Variants in LRRTM4 observed in about 807,000 individuals in gnomAD.
LRRTM4 encodes leucine rich repeat transmembrane neuronal 4, also known as leucine-rich repeat transmembrane neuronal protein 4.
A neutral mutation model predicts 47.6 loss-of-function variants in LRRTM4; 25 were observed. The ratio of observed to expected loss-of-function variants is 0.53; its 90% confidence interval spans 0.38 to 0.73. LRRTM4 has a LOEUF of 0.73. Ranked by LOEUF, LRRTM4 falls within the 30% of genes least tolerant of loss-of-function variation. The pLI, the probability that LRRTM4 is intolerant of heterozygous loss-of-function variation, is 0.00. For synonymous variants in LRRTM4, 311 were observed against 269.5 expected, an observed-to-expected ratio of 1.15 and a Z score of -1.51; for missense variants, 638 against 713.4, an observed-to-expected ratio of 0.89 and a Z score of 1.20.
chr2:77,295,611 G>T (rs944629545), intron 3 of LRRTM4, among the ~76,000 whole-genome samples: 7 of 152,136 alleles, frequency 4.6e-5, no homozygotes, highest in African/African-American at 1.7e-4. Context: ...AGTTCTGGAG[G>T]TTTAGCAGTC....
At chr2:77,423,097 T>A (rs963269118) in intron 3 of LRRTM4, among the ~76,000 whole-genome samples, 2 of 152,082 alleles carry the variant, frequency 1.3e-5, no homozygotes, top group Non-Finnish European at 2.9e-5. Flanking sequence ...GATTGAAAAA[T>A]TTTTTAGCAC....
intron 3 of LRRTM4, among the ~76,000 whole-genome samples, chr2:77,344,317 T>C (rs1420834796): frequency 6.6e-6 from 1 of 151,830 alleles, no homozygotes; most frequent in Non-Finnish European, 1.5e-5. Context: ...AATGATGCTT[T>C]AGGAAGAAGG....
intron 3 of LRRTM4, among the ~76,000 whole-genome samples, chr2:77,392,730 T>C (rs1454475043): frequency 6.6e-6 from 1 of 151,946 alleles, no homozygotes; most frequent in Admixed American, 6.6e-5. Context: ...CTGCAGATAT[T>C]GAGAAGATAC....
intron 3 of LRRTM4, among the ~76,000 whole-genome samples, chr2:77,494,697 A>T (rs570212775): frequency 1.3e-5 from 2 of 152,202 alleles, no homozygotes; most frequent in South Asian, 4.1e-4. Context: ...ATATAATTTA[A>T]TAGTTTTTGA....
At chr2:77,309,758 A>G (rs973701714) in intron 3 of LRRTM4, among the ~76,000 whole-genome samples, 2 of 152,188 alleles carry the variant, frequency 1.3e-5, no homozygotes, top group African/African-American at 4.8e-5. Flanking sequence ...AAGCACGAGA[A>G]ATATCTCACC....
intron 3 of LRRTM4, among the ~76,000 whole-genome samples, chr2:77,428,152 G>A (rs1368333606): frequency 2.0e-5 from 3 of 152,130 alleles, no homozygotes; most frequent in African/African-American, 7.2e-5. Flanking sequence ...TTTCTGTCAT[G>A]ATTGTAAGTT....
intron 3 of LRRTM4, among the ~76,000 whole-genome samples, chr2:77,494,517 A>T (rs1255762118): frequency 6.6e-6 from 1 of 152,088 alleles, no homozygotes; most frequent in African/African-American, 2.4e-5. Context: ...CAGTGGATTA[A>T]GAGAGTCTGC....
intron 3 of LRRTM4, among the ~76,000 whole-genome samples, chr2:76,906,677 A>C (rs1304570486): frequency 2.6e-5 from 4 of 151,960 alleles, no homozygotes; most frequent in African/African-American, 9.7e-5. Flanking sequence ...GGAAAACAAA[A>C]AAAGGCAGGG....
intron 3 of LRRTM4, among the ~76,000 whole-genome samples, chr2:77,061,488 C>A (rs891846294): frequency 7.2e-5 from 11 of 152,124 alleles, no homozygotes; most frequent in African/African-American, 2.7e-4. Context: ...AAAGTGAGAT[C>A]AGCGCTGCTT....
intron 3 of LRRTM4, among the ~76,000 whole-genome samples, chr2:77,122,579 A>G (rs1185672692): frequency 6.6e-6 from 1 of 151,292 alleles, no homozygotes; most frequent in East Asian, 1.9e-4. Context: ...TTGAAATGAT[A>G]TATTTTGGAC....
At chr2:77,482,337 G>C (rs1558764469) in intron 3 of LRRTM4, among the ~76,000 whole-genome samples, 1 of 152,016 alleles carries the variant, frequency 6.6e-6, no homozygotes, top group Admixed American at 6.6e-5. Context: ...AGATTTTTGA[G>C]ACTTCACGAA....
intron 3 of LRRTM4, among the ~76,000 whole-genome samples, chr2:77,056,267 G>T (rs916433686): frequency 6.6e-6 from 1 of 152,096 alleles, no homozygotes; most frequent in African/African-American, 2.4e-5. Flanking sequence ...TAAATGCATT[G>T]AAGAAGATGC....
At chr2:77,248,729 T>C (rs1463916109) in intron 3 of LRRTM4, among the ~76,000 whole-genome samples, 1 of 151,948 alleles carries the variant, frequency 6.6e-6, no homozygotes, top group Non-Finnish European at 1.5e-5. Context: ...CAGAAAACCC[T>C]GAAATAGACG....
At chr2:76,769,533 AAC>A (rs1491482080) in intron 3 of LRRTM4, among the ~76,000 whole-genome samples, 2 of 152,040 alleles carry the variant, frequency 1.3e-5, no homozygotes, top group African/African-American at 4.8e-5. Flanking sequence ...CTGAAAAAAA[AAC>A]AAAAATAATA....
intron 3 of LRRTM4, among the ~76,000 whole-genome samples, chr2:77,238,390 CAG>C (rs1675167406): frequency 6.6e-6 from 1 of 152,020 alleles, no homozygotes; most frequent in South Asian, 2.1e-4. Context: ...AAAATCAAAA[CAG>C]AGTTTGTCTG....
At chr2:77,137,278 T>G (rs911022501) in intron 3 of LRRTM4, among the ~76,000 whole-genome samples, 1 of 151,898 alleles carries the variant, frequency 6.6e-6, no homozygotes, top group African/African-American at 2.4e-5. Flanking sequence ...GCAGATCTCT[T>G]GGCAGAAACT....
chr2:76,883,071 T>C (rs1672975467), intron 3 of LRRTM4, among the ~76,000 whole-genome samples: 1 of 152,194 alleles, frequency 6.6e-6, no homozygotes, highest in African/African-American at 2.4e-5. Flanking sequence ...CAGGCTACTC[T>C]GTGAATGCTG....
intron 3 of LRRTM4, among the ~76,000 whole-genome samples, chr2:77,262,014 G>A (rs966455680): frequency 1.3e-5 from 2 of 152,028 alleles, no homozygotes; most frequent in East Asian, 1.9e-4. Context: ...TCAAATCAGC[G>A]GTGGCATTAG....
At chr2:76,833,602 TATA>T (rs547361555) in intron 3 of LRRTM4, among the ~76,000 whole-genome samples, 49 of 151,888 alleles carry the variant, frequency 3.2e-4, no homozygotes, top group Middle Eastern at 3.4e-3. Flanking sequence ...CAGTAAATAA[TATA>T]ATAATATTGT....
Sources: allele counts gnomAD v4.1 joint callset (sites outside exome capture counted in the v4.1 genomes callset), GRCh38; gene constraint gnomAD v4.1.1; transcripts MANE v1.5; gene names NCBI Gene and HGNC (gene_info 2026-07-23, HGNC 2026-07-21).